KLHL22: variants seen among roughly 807,000 people sequenced by gnomAD.
KLHL22 encodes kelch like family member 22.
A neutral mutation model predicts 60.7 loss-of-function variants in KLHL22; 18 were observed. That is an observed-to-expected ratio of 0.30 (90% CI 0.20 to 0.44). KLHL22 has a LOEUF of 0.44. Ranked by LOEUF, KLHL22 falls within the 20% of genes least tolerant of loss-of-function variation. The pLI is 1.00. For missense variants in KLHL22, 596 were observed against 852.3 expected (o/e 0.70, Z 3.74); for synonymous variants, 355 against 354.5 (o/e 1.00, Z -0.01).
rs1207724704 is a variant in KLHL22, at chr22:20,484,446, C to A, written c.227+4539G>T. ...AGTAGCTAGAATTACAGGTGTGCAC[C>A]ACTACGCCCAGCTAATTTTTGTATT... On this transcript the variant is annotated intron_variant, in intron 2 of 6. Transcript: ENST00000328879. Among the ~76,000 whole-genome samples, 5 of 151,974 alleles carry A rather than the reference C, an allele frequency of 3.3e-5. No individual in the cohort carries two copies. The South Asian group carries it at 8.3e-4, about 25-fold the overall frequency.
In KLHL22 at chr22:20,446,538, G is replaced by C; in HGVS notation, c.1444C>G (p.Arg482Gly). The change falls in exon 6 of 7, where the codon CGG becomes GGG. Residue 482 changes from arginine to glycine, a missense_variant. Transcript: ENST00000328879. The stretch of plus-strand genomic sequence containing the variant: ...GTTGCCATGCCGTGCCAGGCGCGCC[G>C]CACAGGCCCATCAGCCAGTGTGTGC... ...TWHTLADGPV[R>G]RAWHGMATLL... is the part of the protein sequence containing the mutation. 6.2e-7 allele frequency: 1 copy of C among 1,613,634 alleles called. No individual in the cohort carries two copies. The highest frequency in any genetic ancestry group is 8.5e-7 in the Non-Finnish European group (1 of 1,179,938).
At chr22:20,481,367 T>C in intron 2 of KLHL22, 1 of 149,808 alleles carries the variant, frequency 6.7e-6, no homozygotes, top group Admixed American at 6.6e-5. Flanking sequence ...TGGTCAGGAG[T>C]TCAAGACCAG....
chr22:20,485,760 C>A (rs956219304), intron 2 of KLHL22, among the ~76,000 whole-genome samples: 1 of 151,960 alleles, frequency 6.6e-6, no homozygotes, highest in African/African-American at 2.4e-5. Context: ...CCCAGCTACT[C>A]AGGAGGCTGA....
intron 2 of KLHL22, chr22:20,483,122 G>GC: frequency 1.6e-6 from 1 of 639,424 alleles, no homozygotes; most frequent in Admixed American, 2.2e-5. Context: ...GGCATAGAAG[G>GC]CCTCCACCTC....
At chr22:20,462,873 T>G (rs1033410668) in intron 4 of KLHL22, among the ~76,000 whole-genome samples, 2 of 152,146 alleles carry the variant, frequency 1.3e-5, no homozygotes, top group Non-Finnish European at 2.9e-5. Context: ...GAGGAAAGGT[T>G]TTTAAATATG....
At chr22:20,450,269 G>C in intron 5 of KLHL22, 1 of 950,292 alleles carries the variant, frequency 1.1e-6, no homozygotes, top group Non-Finnish European at 1.7e-6. Flanking sequence ...ATGAGATTGT[G>C]CTGGCTGCCT....
At chr22:20,476,996 A>G (rs1172156330) in intron 2 of KLHL22, among the ~76,000 whole-genome samples, 2 of 150,994 alleles carry the variant, frequency 1.3e-5, no homozygotes, top group Non-Finnish European at 3.0e-5. Context: ...GTGAGCCACC[A>G]CGTCTGGCCG....
At chr22:20,466,372 TAAAAA>T (rs361874) in intron 3 of KLHL22, among the ~76,000 whole-genome samples, 1 of 70,604 alleles carries the variant, frequency 1.4e-5, no homozygotes, top group African/African-American at 5.6e-5. Flanking sequence ...AGACTCCGTC[TAAAAA>T]AAAAAAAAAA....
intron 6 of KLHL22, among the ~76,000 whole-genome samples, chr22:20,444,457 C>T (rs759294711): frequency 2.6e-5 from 4 of 152,102 alleles, no homozygotes; most frequent in Non-Finnish European, 5.9e-5. Context: ...ATCTCACAAG[C>T]AGAGGACCTG....
At chr22:20,489,749 T>C (rs2053652392) in intron 1 of KLHL22, 1 of 471,078 alleles carries the variant, frequency 2.1e-6, no homozygotes, top group Non-Finnish European at 4.4e-6. Flanking sequence ...TAGTAATGGA[T>C]GCATAAAAAT....
At chr22:20,454,336 AT>A (rs1333058680) in intron 5 of KLHL22, among the ~76,000 whole-genome samples, 1 of 152,090 alleles carries the variant, frequency 6.6e-6, no homozygotes, top group African/African-American at 2.4e-5. Flanking sequence ...CTCAAAAAAA[AT>A]AAAAATAAAA....
In KLHL22 at chr22:20,453,160, C is replaced by T. The variant is rs570260639; in HGVS notation, c.1305+4648G>A. ...CTGAAATTCCATTTTTCCCTCTTTC[C>T]CTGAAGTGTACTGACCTGTACTACA... is the stretch of plus-strand genomic sequence containing the variant. On this transcript the variant is annotated intron_variant, in intron 5 of 6. Transcript: ENST00000328879. Among the ~76,000 whole-genome samples, 11 of 151,988 alleles carry T rather than the reference C, an allele frequency of 7.2e-5. No individual in the cohort carries two copies. In the South Asian group the frequency reaches 2.3e-3, roughly 32 times the overall value.
At chr22:20,491,585 T>TTTGTGTATCTATACACA (rs2053692580) in intron 1 of KLHL22, 1 of 152,166 alleles carries the variant, frequency 6.6e-6, no homozygotes, top group African/African-American at 2.4e-5. Context: ...TGTAACACAA[T>TTTGTGTATCTATACACA]GGAATTTGTG....
chr22:20,444,487 G>C lies in KLHL22; in HGVS notation c.1539+1956C>G, dbSNP rs1051732256. Among the ~76,000 whole-genome samples the C allele has an allele frequency of 6.6e-5, 10 of 152,248 alleles. No homozygotes were observed. In the East Asian group the frequency reaches 1.7e-3, roughly 26 times the overall value. ...GACCTGTTAAAAGCCAGATCGCCAA[G>C]ACCCACCCTCAGGGCTTCCGAATCA... On this transcript the variant is annotated intron_variant, in intron 6 of 6. Coordinates refer to ENST00000328879, the MANE Select transcript of KLHL22 (RefSeq NM_032775.4).
chr22:20,490,759 G>A (rs1047156642), intron 1 of KLHL22, among the ~76,000 whole-genome samples: 1 of 152,160 alleles, frequency 6.6e-6, no homozygotes, highest in East Asian at 1.9e-4. Context: ...CAGGGTTTGT[G>A]CTCCTATGAG....
intron 3 of KLHL22, among the ~76,000 whole-genome samples, chr22:20,469,507 G>A (rs963518427): frequency 6.6e-6 from 1 of 152,128 alleles, no homozygotes; most frequent in Admixed American, 6.5e-5. Flanking sequence ...ATTGGATGAG[G>A]GTTCCCAAAG....
chr22:20,482,973 TG>T, intron 2 of KLHL22: 1 of 752,982 alleles, frequency 1.3e-6, no homozygotes, highest in Non-Finnish European at 2.4e-6. Context: ...CGGCAGTAGG[TG>T]GTGATCTTAG....
intron 5 of KLHL22, chr22:20,451,308 G>A: frequency 1.2e-6 from 2 of 1,607,110 alleles, no homozygotes; most frequent in Admixed American, 1.7e-5. Context: ...CCAGTATGGA[G>A]CGGTATGATC....
intron 2 of KLHL22, chr22:20,483,872 C>T (rs1242648274): frequency 1.4e-6 from 1 of 710,666 alleles, no homozygotes; most frequent in East Asian, 2.6e-5. Flanking sequence ...CCTTCTCATT[C>T]TGGATGCTTC....
Sources: gnomAD v4.1 joint callset for allele counts (sites outside exome capture counted in the v4.1 genomes callset) on GRCh38, gnomAD v4.1.1 for gene constraint, MANE v1.5 for transcripts, NCBI Gene and HGNC (gene_info 2026-07-23, HGNC 2026-07-21) for gene names.